The following TMEM132E variants were observed in gnomAD, a reference collection of about 807,000 sequenced individuals.
TMEM132E encodes transmembrane protein 132E.
TMEM132E carries 49 observed loss-of-function variants against 78.5 expected under a neutral mutation model. The ratio of observed to expected loss-of-function variants is 0.62; its 90% CI spans 0.50 to 0.79. The LOEUF (loss-of-function observed/expected upper bound fraction) is 0.79, where lower values mean the gene tolerates loss of function less well. Among genes scored for constraint, TMEM132E ranks in the 30% least tolerant of loss-of-function variants. TMEM132E has a pLI of 0.00. For synonymous variants in TMEM132E, 715 were observed against 670.6 expected (o/e 1.07, Z -1.02); for missense variants, 1,403 against 1,470.9 (o/e 0.95, Z 0.75).
chr17:34,598,611 C>A (rs1276496925), intron 1 of TMEM132E, among the ~76,000 whole-genome samples: 3 of 152,152 alleles, frequency 2.0e-5, no homozygotes, highest in Non-Finnish European at 4.4e-5. Context: ...AGATAAAGCC[C>A]CTTTGTCATC....
chr17:34,598,303 T>A lies in TMEM132E; in HGVS notation c.67+17160T>A, dbSNP rs551724309. On this transcript the variant is annotated intron_variant, in intron 1 of 8. Coordinates refer to ENST00000631683, the MANE Select transcript of TMEM132E (RefSeq NM_001304438.2). ...GGGAGAGGGGTCTGGGTGGTGCTAT[T>A]GAGCCCATCAGGTGATGGGACAGTG... Among the ~76,000 whole-genome samples the A allele has an allele frequency of 5.9e-5, 9 of 152,176 alleles. No homozygotes were observed. In the East Asian group the frequency reaches 1.7e-3, roughly 30 times the overall value.
In TMEM132E at chr17:34,622,755, T is replaced by C. The variant is rs376223019; in HGVS notation, c.68-3372T>C. Among the ~76,000 whole-genome samples the C allele has an allele frequency of 1.6e-4, 24 of 152,324 alleles. No individual in the cohort carries two copies. In the South Asian group the frequency reaches 5.0e-3, roughly 32 times the overall value. On this transcript the variant is annotated intron_variant, in intron 1 of 8. Coordinates refer to ENST00000631683, the MANE Select transcript of TMEM132E (RefSeq NM_001304438.2). ...CCTGCCTGCTATGTGCCAGGCCATG[T>C]TGTAAGCACTAAAATAGAGCAGGGA...
intron 1 of TMEM132E, among the ~76,000 whole-genome samples, chr17:34,607,083 G>A (rs1906439130): frequency 2.0e-5 from 3 of 152,170 alleles, no homozygotes; most frequent in Admixed American, 2.0e-4. Context: ...CCTGGGACAG[G>A]GAGCTCAGTA....
At chr17:34,629,892 G>A in intron 4 of TMEM132E, 116 bp from the exon 5 acceptor site, 4 of 1,218,792 alleles carry the variant, frequency 3.3e-6, no homozygotes, top group Non-Finnish European at 3.3e-6. Flanking sequence ...TGTCCCCACT[G>A]GAAGGATGTG....
chr17:34,633,573 C>A (rs980410066), intron 6 of TMEM132E, among the ~76,000 whole-genome samples: 1 of 152,180 alleles, frequency 6.6e-6, no homozygotes, highest in Non-Finnish European at 1.5e-5. Context: ...AAAAGCACAG[C>A]AGGGAAGAGA....
chr17:34,624,040 T>G (rs1261773695), intron 1 of TMEM132E, among the ~76,000 whole-genome samples: 4 of 152,160 alleles, frequency 2.6e-5, no homozygotes, highest in African/African-American at 9.7e-5. Context: ...ACAGGAGAAG[T>G]GGTGAGAGCA....
At chr17:34,587,976 T>A (rs1905736087) in intron 1 of TMEM132E, among the ~76,000 whole-genome samples, 1 of 152,132 alleles carries the variant, frequency 6.6e-6, no homozygotes, top group Non-Finnish European at 1.5e-5. Context: ...GCCAACAGAA[T>A]CAGCACAGAT....
At position 34,638,260 on chromosome 17, in the gene TMEM132E, C is replaced by G; in HGVS notation, c.*28C>G. The G allele has an allele frequency of 1.4e-6, 2 of 1,472,542 alleles. No homozygotes were observed. Among genetic ancestry groups the G allele is most frequent in the Non-Finnish European group, 1.8e-6 (2 of 1,113,092 alleles). 91.2% of individuals were successfully genotyped at this position (1,472,542 alleles called of 1,614,324 possible). A position where few individuals can be genotyped will look rare whatever the true frequency, so the allele number is the denominator to read the frequency against. On this transcript the variant is annotated 3_prime_UTR_variant, in exon 9 of 9. Coordinates refer to ENST00000631683, the MANE Select transcript of TMEM132E (RefSeq NM_001304438.2). ...GCGCCAGCCGGAGTAGCAGGGACCC[C>G]CCCCCCCAACGGGGTCAGCTCGGGG...
intron 1 of TMEM132E, among the ~76,000 whole-genome samples, chr17:34,613,211 A>ATGCGCGCGCG (rs1555563344): frequency 8.6e-6 from 1 of 115,856 alleles, no homozygotes; most frequent in South Asian, 3.4e-4. Context: ...ACACACACAC[A>ATGCGCGCGCG]CGCGCGCGCG....
intron 7 of TMEM132E, among the ~76,000 whole-genome samples, chr17:34,635,313 C>A (rs1907484805): frequency 6.6e-6 from 1 of 152,166 alleles, no homozygotes; most frequent in Admixed American, 6.5e-5. Flanking sequence ...GTGACTCAAG[C>A]AGACCCCTCC....
At chr17:34,586,070 G>T (rs1329078781) in intron 1 of TMEM132E, among the ~76,000 whole-genome samples, 1 of 151,954 alleles carries the variant, frequency 6.6e-6, no homozygotes, top group Non-Finnish European at 1.5e-5. Flanking sequence ...TTTGTTCTAT[G>T]ATGAAGAAGC....
At chr17:34,631,853 C>T (rs1409064652) in intron 5 of TMEM132E, among the ~76,000 whole-genome samples, 2 of 152,234 alleles carry the variant, frequency 1.3e-5, no homozygotes. Flanking sequence ...CATGTACACA[C>T]AGGATCCGTT....
intron 1 of TMEM132E, among the ~76,000 whole-genome samples, chr17:34,587,303 C>T (rs1175593222): frequency 1.3e-5 from 2 of 152,148 alleles, no homozygotes; most frequent in Non-Finnish European, 2.9e-5. Flanking sequence ...AACCCTTAAA[C>T]AGAATTAGTC....
chr17:34,615,075 G>T (rs550087237), intron 1 of TMEM132E, among the ~76,000 whole-genome samples: 3 of 150,308 alleles, frequency 2.0e-5, no homozygotes, highest in Non-Finnish European at 3.0e-5. Context: ...GGAAACAAGA[G>T]CCCTGGTTTT....
At chr17:34,622,799 C>T (rs773114340) in intron 1 of TMEM132E, among the ~76,000 whole-genome samples, 1 of 152,184 alleles carries the variant, frequency 6.6e-6, no homozygotes, top group Non-Finnish European at 1.5e-5. Context: ...ATGTCTGTGC[C>T]CCTGTGGAAC....
At chr17:34,606,065 C>A (rs1416118209) in intron 1 of TMEM132E, among the ~76,000 whole-genome samples, 3 of 152,152 alleles carry the variant, frequency 2.0e-5, no homozygotes, top group Admixed American at 6.5e-5. Flanking sequence ...TGGGTCTGGG[C>A]CGGGAGCAGT....
intron 1 of TMEM132E, among the ~76,000 whole-genome samples, chr17:34,600,657 C>A (rs1906211339): frequency 6.6e-6 from 1 of 152,046 alleles, no homozygotes; most frequent in Non-Finnish European, 1.5e-5. Flanking sequence ...CCAGGAGAAG[C>A]CAAAGAAGGC....
rs572515209 is a variant in TMEM132E, at chr17:34,634,938, G to A, written c.1828G>A (p.Asp610Asn). 25 of 1,614,184 alleles carry A rather than the reference G, an allele frequency of 1.5e-5. No homozygotes were observed. The East Asian group carries it at 4.9e-4, about 32-fold the overall frequency. Residue 610 changes from aspartate (D) to asparagine (N), a missense_variant, in exon 7 of 9, where the codon GAC (aspartate) becomes AAC (asparagine). This residue lies in a region of TMEM132E where 888 missense variants were observed against 952.8 expected (regional missense o/e 0.93). Transcript: ENST00000631683. ...CCACACGACATCATCCGAGGGCACT[G>A]ACCAGGTGGTCACCATGTTAGGCCC... Reference protein sequence around the residue: ...QFHTTSSEGTDQVVTMLGPDW... With the variant: ...QFHTTSSEGTNQVVTMLGPDW...
chr17:34,613,211 A>ACACACACACACACACACGCGCGCG, intron 1 of TMEM132E, among the ~76,000 whole-genome samples: 36 of 115,968 alleles, frequency 3.1e-4, no homozygotes, highest in Admixed American at 4.0e-4. Context: ...ACACACACAC[A>ACACACACACACACACACGCGCGCG]CGCGCGCGCG....
Sources: allele counts gnomAD v4.1 joint callset (sites outside exome capture counted in the v4.1 genomes callset), GRCh38; gene constraint gnomAD v4.1.1; regional missense constraint gnomAD v4.1.1; transcripts MANE v1.5; gene names NCBI Gene and HGNC (gene_info 2026-07-23, HGNC 2026-07-21).